CCSER1: variants seen among roughly 807,000 people sequenced by gnomAD.
CCSER1 encodes the protein serine-rich coiled-coil domain-containing protein 1.
In CCSER1, 41 loss-of-function variants were observed where a neutral mutation model predicts 82.0. The observed-to-expected ratio is 0.50, with a 90% confidence interval of 0.39 to 0.65. The LOEUF is 0.65. Among genes scored for constraint, CCSER1 ranks in the 30% least tolerant of loss-of-function variants. The pLI is 0.00. For synonymous variants in CCSER1, 414 were observed against 383.9 expected (o/e 1.08, Z -0.92); for missense variants, 1,119 against 1,064.2 (o/e 1.05, Z -0.72).
chr4:90,342,617 G>C (rs1741595918), intron 3 of CCSER1, among the ~76,000 whole-genome samples: 1 of 152,168 alleles, frequency 6.6e-6, no homozygotes, highest in Non-Finnish European at 1.5e-5. Flanking sequence ...GTTTGCAAGT[G>C]AAAGAACCAT....
At chr4:91,337,196 A>G (rs1747380092) in intron 10 of CCSER1, among the ~76,000 whole-genome samples, 1 of 148,712 alleles carries the variant, frequency 6.7e-6, no homozygotes, top group African/African-American at 2.5e-5. Flanking sequence ...AGTCTAGAGA[A>G]ATTTAGAGAC....
At chr4:91,140,523 G>A (rs1416617362) in intron 10 of CCSER1, among the ~76,000 whole-genome samples, 2 of 151,920 alleles carry the variant, frequency 1.3e-5, no homozygotes, top group African/African-American at 4.8e-5. Flanking sequence ...TCTATAAAAA[G>A]TATAAAACAC....
intron 8 of CCSER1, among the ~76,000 whole-genome samples, chr4:90,904,291 T>G (rs1725119411): frequency 6.6e-6 from 1 of 152,170 alleles, no homozygotes; most frequent in East Asian, 1.9e-4. Flanking sequence ...TTTCACTCTC[T>G]GCACTCATTT....
Position 91,599,633 on chromosome 4 carries a change from TA to T in CCSER1, c.*577del, listed in dbSNP as rs1764738447. On this transcript the variant is annotated 3_prime_UTR_variant, in exon 11 of 11. Coordinates refer to ENST00000509176, the MANE Select transcript of CCSER1 (RefSeq NM_001145065.2). ...TACATTCAAGCTCATCTTGTGATAC[TA>T]GTAAGGGGGAAATGGCTGTATTTTT... The T allele has an allele frequency of 6.6e-6, 1 of 152,174 alleles. No homozygotes were observed. Among genetic ancestry groups the T allele is most frequent in the Admixed American group, 6.6e-5 (1 of 15,260 alleles). 9.4% of individuals were successfully genotyped at this position (152,174 alleles called of 1,614,324 possible).
chr4:91,021,834 G>T (rs895331062), intron 9 of CCSER1, among the ~76,000 whole-genome samples: 2 of 152,018 alleles, frequency 1.3e-5, no homozygotes, highest in South Asian at 2.1e-4. Context: ...TTTTAAAAAA[G>T]AATTAAGATG....
At chr4:90,901,259 T>C (rs1044552178) in intron 8 of CCSER1, among the ~76,000 whole-genome samples, 6 of 151,940 alleles carry the variant, frequency 3.9e-5, no homozygotes, top group Non-Finnish European at 1.5e-5. Flanking sequence ...TCCATTTTTG[T>C]CTTTTAAGTG....
Position 91,556,251 on chromosome 4 carries a change from A to G in CCSER1, c.2218-42321A>G, listed in dbSNP as rs534203638. Among the ~76,000 whole-genome samples the G allele has an allele frequency of 2.7e-5, 4 of 149,484 alleles. No homozygotes were observed. In the Admixed American group the frequency reaches 2.7e-4, roughly 10 times the overall value. The stretch of plus-strand genomic sequence containing the variant: ...TAAATACTTTAGCTTTAAAGTTATG[A>G]TTACTTTCATTTAAAGTGAAATATT... On this transcript the variant is annotated intron_variant, in intron 10 of 10. Coordinates refer to ENST00000509176, the MANE Select transcript of CCSER1 (RefSeq NM_001145065.2).
chr4:90,137,604 A>T (rs1723929006), intron 1 of CCSER1, among the ~76,000 whole-genome samples: 1 of 152,208 alleles, frequency 6.6e-6, no homozygotes, highest in Non-Finnish European at 1.5e-5. Context: ...TAAATGGATG[A>T]GATATTTTAA....
intron 9 of CCSER1, among the ~76,000 whole-genome samples, chr4:90,932,102 G>A (rs1272744484): frequency 1.3e-5 from 2 of 152,124 alleles, no homozygotes; most frequent in Admixed American, 6.5e-5. Context: ...CTTATGCTCT[G>A]TAAAATAAGA....
chr4:90,614,948 C>T (rs1427026569), intron 5 of CCSER1, among the ~76,000 whole-genome samples: 1 of 152,154 alleles, frequency 6.6e-6, no homozygotes, highest in Non-Finnish European at 1.5e-5. Flanking sequence ...CAAGGACAGG[C>T]TGACTCTCTT....
intron 1 of CCSER1, among the ~76,000 whole-genome samples, chr4:90,199,821 G>A (rs1737313484): frequency 6.6e-6 from 1 of 151,830 alleles, no homozygotes; most frequent in Non-Finnish European, 1.5e-5. Context: ...ATGTCGATGT[G>A]CCCATCTCCT....
intron 8 of CCSER1, among the ~76,000 whole-genome samples, chr4:90,913,547 G>A (rs1205831875): frequency 1.3e-5 from 2 of 152,172 alleles, no homozygotes; most frequent in African/African-American, 2.4e-5. Flanking sequence ...ATGCCAAAAT[G>A]TAAAGACAAT....
intron 10 of CCSER1, among the ~76,000 whole-genome samples, chr4:91,485,381 T>A (rs1473008879): frequency 1.3e-5 from 2 of 152,178 alleles, no homozygotes; most frequent in African/African-American, 4.8e-5. Flanking sequence ...ATTCAGATAA[T>A]ATATGTCACC....
chr4:91,560,334 GT>G (rs1431686610), intron 10 of CCSER1, among the ~76,000 whole-genome samples: 1 of 151,374 alleles, frequency 6.6e-6, no homozygotes, highest in African/African-American at 2.4e-5. Flanking sequence ...TATATACTTT[GT>G]TTTTCCTTTT....
intron 10 of CCSER1, among the ~76,000 whole-genome samples, chr4:91,089,052 G>A (rs995583356): frequency 3.3e-5 from 5 of 152,296 alleles, no homozygotes; most frequent in African/African-American, 1.2e-4. Context: ...AGTGAAGGAA[G>A]TAGCTTTTAA....
intron 10 of CCSER1, among the ~76,000 whole-genome samples, chr4:91,177,709 T>G (rs536404620): frequency 1.4e-4 from 21 of 152,212 alleles, no homozygotes; most frequent in Non-Finnish European, 1.8e-4. Flanking sequence ...TCTTCTCTCT[T>G]TTCTTCTTTA....
At chr4:90,967,502 C>A (rs536760176) in intron 9 of CCSER1, among the ~76,000 whole-genome samples, 1 of 151,770 alleles carries the variant, frequency 6.6e-6, no homozygotes, top group Admixed American at 6.6e-5. Context: ...AATATATCCA[C>A]AAGCAAAAGA....
chr4:91,371,684 G>T (rs1750061871), intron 10 of CCSER1, among the ~76,000 whole-genome samples: 1 of 152,114 alleles, frequency 6.6e-6, no homozygotes. Context: ...TCTTGTCCTT[G>T]TGTAACAGAG....
chr4:91,395,374 G>A (rs1751913403), intron 10 of CCSER1, among the ~76,000 whole-genome samples: 2 of 152,022 alleles, frequency 1.3e-5, no homozygotes, highest in African/African-American at 2.4e-5. Flanking sequence ...CAGATTCAGG[G>A]GACTTGTTAG....
Sources: gnomAD v4.1 joint callset for allele counts (sites outside exome capture counted in the v4.1 genomes callset) on GRCh38, gnomAD v4.1.1 for gene constraint, MANE v1.5 for transcripts, NCBI Gene and HGNC (gene_info 2026-07-23, HGNC 2026-07-21) for gene names.